FAM200C: variants seen among roughly 807,000 people sequenced by gnomAD.
chr5:160,394,733 G>A, the FAM200C span: 5 of 1,614,004 alleles, frequency 3.1e-6, no homozygotes, highest in East Asian at 8.9e-5. Flanking sequence ...AACAAACTCG[G>A]AATTTTCTCC....
At chr5:160,397,460 T>A in the FAM200C span, 2 of 152,174 alleles carry the variant, frequency 1.3e-5, no homozygotes, top group African/African-American at 4.8e-5. Context: ...ACATTCTATC[T>A]CCAAGATAAG....
At chr5:160,398,456 G>C in the FAM200C span, among the ~76,000 whole-genome samples, 1 of 152,066 alleles carries the variant, frequency 6.6e-6, no homozygotes, top group Non-Finnish European at 1.5e-5. Flanking sequence ...AGAATCGCTT[G>C]ATCTGGGAGG....
the FAM200C span, among the ~76,000 whole-genome samples, chr5:160,398,790 C>G: frequency 6.6e-6 from 1 of 152,098 alleles, no homozygotes; most frequent in Non-Finnish European, 1.5e-5. Flanking sequence ...TGCACTTGCG[C>G]TTTTGTGGTA....
At chr5:160,393,511 T>G in the FAM200C span, 1 of 582,088 alleles carries the variant, frequency 1.7e-6, no homozygotes, top group East Asian at 2.9e-5. Flanking sequence ...TGATAGCAAC[T>G]AGGCAGTAGT....
the FAM200C span, chr5:160,394,002 C>T: frequency 6.2e-7 from 1 of 1,613,382 alleles, no homozygotes; most frequent in Non-Finnish European, 8.5e-7. Flanking sequence ...GCTCGTAATT[C>T]AGCAAGATCA....
the FAM200C span, among the ~76,000 whole-genome samples, chr5:160,399,152 A>G: frequency 6.6e-6 from 1 of 152,342 alleles, no homozygotes; most frequent in Non-Finnish European, 1.5e-5. Context: ...CTTAAGATAG[A>G]TATCACTCAT....
chr5:160,394,921 T>C, the FAM200C span: 1 of 1,613,196 alleles, frequency 6.2e-7, no homozygotes. Context: ...AGCGCACAAA[T>C]GCCATTAGCT....
chr5:160,394,297 T>C, the FAM200C span: 2 of 1,613,842 alleles, frequency 1.2e-6, no homozygotes, highest in Non-Finnish European at 1.7e-6. Flanking sequence ...TAGCTGATAC[T>C]GTGTTCATCC....
At chr5:160,393,465 C>T in the FAM200C span, 2 of 467,748 alleles carry the variant, frequency 4.3e-6, no homozygotes, top group Admixed American at 4.0e-5. Flanking sequence ...ACCACACGAA[C>T]AGGTTAAACA....
chr5:160,395,326 A>G, the FAM200C span: 1 of 1,614,176 alleles, frequency 6.2e-7, no homozygotes, highest in Non-Finnish European at 8.5e-7. Flanking sequence ...CTACACCACC[A>G]TGCTGTCTGT....
chr5:160,398,892 T>C, the FAM200C span, among the ~76,000 whole-genome samples: 20 of 152,094 alleles, frequency 1.3e-4, no homozygotes, highest in African/African-American at 4.8e-4. Flanking sequence ...GGTATTGTGG[T>C]TGTGTTTTTA....
the FAM200C span, among the ~76,000 whole-genome samples, chr5:160,395,832 T>C: frequency 1.3e-5 from 2 of 152,224 alleles, no homozygotes; most frequent in South Asian, 4.1e-4. Context: ...TTTTCAATAA[T>C]GTATGTTACA....
chr5:160,399,309 A>C, the FAM200C span, among the ~76,000 whole-genome samples: 1 of 152,252 alleles, frequency 6.6e-6, no homozygotes, highest in African/African-American at 2.4e-5. Flanking sequence ...GAACACTCAC[A>C]AAACAAATAT....
the FAM200C span, chr5:160,393,534 C>T: frequency 1.6e-6 from 1 of 613,158 alleles, no homozygotes; most frequent in South Asian, 2.1e-5. Flanking sequence ...TTAATCTTTT[C>T]TGCTGTGTTT....
At chr5:160,396,483 G>C in the FAM200C span, among the ~76,000 whole-genome samples, 1 of 152,172 alleles carries the variant, frequency 6.6e-6, no homozygotes, top group African/African-American at 2.4e-5. Context: ...GGGCGTGGTA[G>C]CTCATGCCTG....
At chr5:160,393,942 A>G in the FAM200C span, 1 of 1,614,042 alleles carries the variant, frequency 6.2e-7, no homozygotes, top group Non-Finnish European at 8.5e-7. Context: ...TGGGCACACC[A>G]GAAATCCTCA....
At chr5:160,394,016 T>A in the FAM200C span, 1 of 1,613,040 alleles carries the variant, frequency 6.2e-7, no homozygotes, top group Admixed American at 1.7e-5. Flanking sequence ...AAGATCATTT[T>A]TCATTAAATA....
At chr5:160,397,061 C>T in the FAM200C span, among the ~76,000 whole-genome samples, 1 of 152,136 alleles carries the variant, frequency 6.6e-6, no homozygotes, top group African/African-American at 2.4e-5. Flanking sequence ...CAAGAGACAC[C>T]ATATCATCAC....
At chr5:160,399,595 C>G in the FAM200C span, 1 of 152,180 alleles carries the variant, frequency 6.6e-6, no homozygotes, top group Non-Finnish European at 1.5e-5. Context: ...CAGGATGGGA[C>G]CTTTCCAAGC....
Sources: allele counts gnomAD v4.1 joint callset (sites outside exome capture counted in the v4.1 genomes callset), GRCh38; gene constraint gnomAD v4.1.1; transcripts MANE v1.5.